CLIC5: variants seen among roughly 807,000 people sequenced by gnomAD.
CLIC5 encodes chloride intracellular channel protein 5.
In CLIC5, 20 loss-of-function variants were observed where a neutral mutation model predicts 24.7. The observed-to-expected ratio is 0.81, with a 90% CI of 0.57 to 1.18. The LOEUF is 1.18. Ranked by LOEUF, CLIC5 falls within the 50% of genes most tolerant of loss-of-function variation. The pLI, the probability that CLIC5 is intolerant of heterozygous loss-of-function variation, is 0.00. For missense variants in CLIC5, 341 were observed against 326.1 expected, an observed-to-expected ratio of 1.05 and a Z score of -0.35; for synonymous variants, 159 against 135.6, an observed-to-expected ratio of 1.17 and a Z score of -1.20.
intron 1 of CLIC5, among the ~76,000 whole-genome samples, chr6:46,071,553 G>A (rs1404924162): frequency 6.6e-6 from 1 of 152,096 alleles, no homozygotes; most frequent in Non-Finnish European, 1.5e-5. Context: ...ATACCAGTCA[G>A]AATGGCTATT....
intron 5 of CLIC5, among the ~76,000 whole-genome samples, chr6:45,907,407 T>C (rs1762691131): frequency 6.6e-6 from 1 of 152,230 alleles, no homozygotes; most frequent in Non-Finnish European, 1.5e-5. Flanking sequence ...CTATTTGATG[T>C]GCTGCTGGAT....
chr6:45,912,061 TGACGTTCGCAGG>T, intron 5 of CLIC5: 1 of 985,954 alleles, frequency 1.0e-6, no homozygotes, highest in South Asian at 4.7e-5. Flanking sequence ...CACGGAGATC[TGACGTTCGCAGG>T]GACTTCCATG....
At chr6:45,935,818 T>A (rs988433978) in intron 4 of CLIC5, among the ~76,000 whole-genome samples, 1 of 152,038 alleles carries the variant, frequency 6.6e-6, no homozygotes, top group Non-Finnish European at 1.5e-5. Context: ...GGATTCCACA[T>A]GAGAAAAGCA....
chr6:46,023,515 C>G (rs10948272), intron 1 of CLIC5, among the ~76,000 whole-genome samples: 45,941 of 152,030 alleles, frequency 0.3, 8,521 homozygotes, highest in Middle Eastern at 0.43. Flanking sequence ...AAGTAAATGA[C>G]TAGTCTTGGA....
chr6:46,038,897 A>G (rs2127459472), intron 1 of CLIC5, among the ~76,000 whole-genome samples: 1 of 152,354 alleles, frequency 6.6e-6, no homozygotes, highest in South Asian at 2.1e-4. Context: ...TAAATTCACT[A>G]AAATTACTTG....
chr6:46,072,283 T>TG (rs1048090815), intron 1 of CLIC5, among the ~76,000 whole-genome samples: 4 of 134,682 alleles, frequency 3.0e-5, no homozygotes, highest in Non-Finnish European at 6.4e-5. Flanking sequence ...TGTGGCTAGG[T>TG]GGGGGGAGGG....
At chr6:46,006,702 A>G (rs1016317348) in intron 1 of CLIC5, among the ~76,000 whole-genome samples, 1 of 142,846 alleles carries the variant, frequency 7.0e-6, no homozygotes, top group African/African-American at 2.6e-5. Flanking sequence ...TTTTTGAGAC[A>G]GTCTTGCTCT....
chr6:45,893,995 G>C (rs1456862808), downstream of CLIC5, among the ~76,000 whole-genome samples: 1 of 152,324 alleles, frequency 6.6e-6, no homozygotes, highest in Non-Finnish European at 1.5e-5. Flanking sequence ...TCATCCCATG[G>C]TGTGGCAGTC....
At chr6:45,979,944 T>A (rs1765512139) in intron 1 of CLIC5, among the ~76,000 whole-genome samples, 1 of 143,926 alleles carries the variant, frequency 6.9e-6, no homozygotes, top group Non-Finnish European at 1.5e-5. Context: ...TTTTGGAGAC[T>A]TAGTCACTTT....
intron 1 of CLIC5, among the ~76,000 whole-genome samples, chr6:45,979,039 A>C (rs1183527604): frequency 6.6e-6 from 1 of 152,012 alleles, no homozygotes; most frequent in African/African-American, 2.4e-5. Context: ...AAAAATGCAC[A>C]ACAGGGTGGG....
intron 1 of CLIC5, among the ~76,000 whole-genome samples, chr6:46,064,667 A>C (rs1762392607): frequency 6.6e-6 from 1 of 152,166 alleles, no homozygotes; most frequent in African/African-American, 2.4e-5. Flanking sequence ...GGTTTAGCCC[A>C]AAAATGCAAG....
intron 4 of CLIC5, among the ~76,000 whole-genome samples, chr6:45,923,428 C>T (rs777653483): frequency 1.5e-4 from 23 of 152,202 alleles, no homozygotes; most frequent in Non-Finnish European, 2.9e-4. Context: ...CTCAAATAGC[C>T]ACATCTTTTA....
At chr6:45,903,975 T>G (rs1292622294) in intron 5 of CLIC5, among the ~76,000 whole-genome samples, 2 of 152,202 alleles carry the variant, frequency 1.3e-5, no homozygotes, top group Admixed American at 1.3e-4. Flanking sequence ...AAGCAAATAC[T>G]GATTTCTGTT....
intron 4 of CLIC5, among the ~76,000 whole-genome samples, chr6:45,935,570 T>C (rs988467203): frequency 3.3e-5 from 5 of 152,184 alleles, no homozygotes; most frequent in Admixed American, 6.5e-5. Flanking sequence ...CCCTGCAAGA[T>C]TGAAAAAGTG....
intron 3 of CLIC5, among the ~76,000 whole-genome samples, chr6:45,945,189 C>A (rs1764250770): frequency 6.6e-6 from 1 of 152,202 alleles, no homozygotes; most frequent in Non-Finnish European, 1.5e-5. Context: ...ATTTAATGAG[C>A]TCTTACTTCA....
chr6:45,977,514 T>C (rs1251662448), intron 1 of CLIC5, among the ~76,000 whole-genome samples: 1 of 152,198 alleles, frequency 6.6e-6, no homozygotes, highest in Non-Finnish European at 1.5e-5. Flanking sequence ...TTTGAGCCCA[T>C]ACTCAGAACC....
At chr6:46,090,541 A>C in the CLIC5 span, among the ~76,000 whole-genome samples, 1 of 152,124 alleles carries the variant, frequency 6.6e-6, no homozygotes, top group Admixed American at 6.5e-5. Flanking sequence ...TATTTTTTAC[A>C]GTTCATTTAA....
chr6:45,962,620 C>T (rs1013595072), intron 1 of CLIC5, among the ~76,000 whole-genome samples: 13 of 152,068 alleles, frequency 8.5e-5, no homozygotes, highest in Non-Finnish European at 1.9e-4. Context: ...TTACTTGATT[C>T]AGGTAACCTA....
chr6:45,911,545 GA>G, intron 5 of CLIC5: 1 of 922,910 alleles, frequency 1.1e-6, no homozygotes. Flanking sequence ...CAGAGTGGAT[GA>G]AAAGGGTCTC....
Sources: gnomAD v4.1 joint callset for allele counts (sites outside exome capture counted in the v4.1 genomes callset) on GRCh38, gnomAD v4.1.1 for gene constraint, MANE v1.5 for transcripts, NCBI Gene and HGNC (gene_info 2026-07-23, HGNC 2026-07-21) for gene names.